Variants in INSR observed in about 807,000 individuals in gnomAD.
INSR encodes the protein insulin receptor, also known as IR.
INSR carries 67 observed loss-of-function variants against 142.6 expected under a neutral mutation model. The ratio of observed to expected loss-of-function variants is 0.47; its 90% CI spans 0.39 to 0.58. INSR has a LOEUF of 0.58. Ranked by LOEUF, INSR falls within the 20% of genes least tolerant of loss-of-function variation. The probability of loss-of-function intolerance (pLI) is 0.00; values close to 1 mark genes in which losing one functional copy is unlikely to be tolerated. For synonymous variants in INSR, 756 were observed against 743.1 expected (o/e 1.02, Z -0.28); for missense variants, 1,248 against 1,833.2 (o/e 0.68, Z 5.83).
intron 2 of INSR, among the ~76,000 whole-genome samples, chr19:7,265,362 T>A (rs1967690002): frequency 6.6e-6 from 1 of 152,086 alleles, no homozygotes; most frequent in African/African-American, 2.4e-5. Context: ...CCCAGTTAGC[T>A]ATTTGGGAGA....
intron 9 of INSR, among the ~76,000 whole-genome samples, chr19:7,153,959 G>A (rs544694381): frequency 8.5e-5 from 13 of 152,136 alleles, no homozygotes; most frequent in Non-Finnish European, 1.3e-4. Flanking sequence ...TCAGGAGTTC[G>A]AGACCAGCCT....
chr19:7,164,090 G>A (rs1249897482), intron 8 of INSR, among the ~76,000 whole-genome samples: 7 of 72,758 alleles, frequency 9.6e-5, no homozygotes, highest in East Asian at 6.8e-4. Context: ...GTGAAACTCC[G>A]TTAAAAAAAA....
Position 7,119,635 on chromosome 19 carries a change from CACACGCGCGCGCGCAA to C in INSR, c.3660-68_3660-53del, listed in dbSNP as rs1568425790. On this transcript the variant is annotated intron_variant, in intron 20 of 21. Coordinates refer to ENST00000302850, the MANE Select transcript of INSR (RefSeq NM_000208.4). The surrounding 1 kb of genome is among the most constrained non-coding windows in gnomAD (Gnocchi z 5.2). Reference sequence around the variant, plus strand: ...CAAAGAAGCCATTTAGACACACACACACACGCGCGCGCGCAAACACACACACGCAAACGCACACACA... The same window carrying C: ...CAAAGAAGCCATTTAGACACACACACACACACACACGCAAACGCACACACA... 9 of 1,605,926 alleles carry C rather than the reference CACACGCGCGCGCGCAA, an allele frequency of 5.6e-6. No homozygotes were observed. Among genetic ancestry groups the C allele is most frequent in the Admixed American group, 1.7e-5 (1 of 59,984 alleles).
chr19:7,223,345 G>A (rs1393868362), intron 2 of INSR, among the ~76,000 whole-genome samples: 1 of 152,218 alleles, frequency 6.6e-6, no homozygotes, highest in East Asian at 1.9e-4. Flanking sequence ...AAAGACACAA[G>A]GGAGCATTTT....
chr19:7,143,178 G>A, intron 11 of INSR, 88 bp from the exon 12 acceptor site: 1 of 1,471,646 alleles, frequency 6.8e-7, no homozygotes, highest in South Asian at 1.1e-5. Context: ...GCTTGATTAA[G>A]AAGAAAGATC....
In INSR at chr19:7,142,950, T is replaced by C. The variant is rs1448739003; in HGVS notation, c.2408A>G (p.Asn803Ser). The C allele has an allele frequency of 1.4e-5, 22 of 1,614,016 alleles. No homozygotes were observed. The highest frequency in any genetic ancestry group is 1.8e-5 in the Non-Finnish European group (21 of 1,180,036). The change falls in exon 12 of 22, where the codon AAC (asparagine) becomes AGC (serine). Residue 803 changes from asparagine (N) to serine (S), a missense_variant. Around this residue, in one of 3 missense-constraint regions of INSR, gnomAD observed 1,069 missense variants for 1,654.0 expected, o/e 0.65. Transcript: ENST00000302850. ...EEHRPFEKVV[N>S]KESLVISGLR... The stretch of plus-strand genomic sequence containing the variant: ...GCCGGAGATGACCAGCGACTCCTTG[T>C]TCACCACCTTCTCAAAAGGCCTGTG...
chr19:7,246,869 AG>A (rs1976551941), intron 2 of INSR, among the ~76,000 whole-genome samples: 1 of 140,662 alleles, frequency 7.1e-6, no homozygotes, highest in South Asian at 2.1e-4. Flanking sequence ...TGTATGTTTC[AG>A]GGTGGTTTGT....
At chr19:7,160,590 A>C (rs532751154) in intron 9 of INSR, among the ~76,000 whole-genome samples, 1 of 152,214 alleles carries the variant, frequency 6.6e-6, no homozygotes, top group South Asian at 2.1e-4. Flanking sequence ...GTGCCACTGC[A>C]CTCCAGCCTG....
intron 2 of INSR, among the ~76,000 whole-genome samples, chr19:7,263,978 T>C (rs1977143406): frequency 6.6e-6 from 1 of 152,112 alleles, no homozygotes; most frequent in Non-Finnish European, 1.5e-5. Flanking sequence ...GAGACCAGCC[T>C]GGCCAACATG....
rs1972434481 is a variant in INSR at position 7,119,731 on chromosome 19, CG to C, written c.3660-149del. The stretch of plus-strand genomic sequence containing the variant: ...GCAAACACACACATGCAAACACACA[CG>C]CACATACACGTGCACACACATGCAA... On this transcript the variant is annotated intron_variant, in intron 20 of 21. Coordinates refer to ENST00000302850, the MANE Select transcript of INSR (RefSeq NM_000208.4). This position sits in a 1 kb window ranked among gnomAD's most constrained non-coding sequence, Gnocchi z 5.2. 2.3e-6 allele frequency: 2 copies of C among 861,176 alleles called. No individual in the cohort carries two copies. Among genetic ancestry groups the C allele is most frequent in the East Asian group, 2.6e-5 (1 of 38,224 alleles). 53.3% of individuals were successfully genotyped at this position (861,176 alleles called of 1,614,324 possible).
At chr19:7,142,780 A>T in intron 12 of INSR, 36 bp downstream of exon 12, 1 of 1,612,320 alleles carries the variant, frequency 6.2e-7, no homozygotes, top group Non-Finnish European at 8.5e-7. Flanking sequence ...TTGATGTCCC[A>T]CCCATGACAC....
chr19:7,156,724 C>A (rs1277724617), intron 9 of INSR, among the ~76,000 whole-genome samples: 1 of 150,616 alleles, frequency 6.6e-6, no homozygotes, highest in African/African-American at 2.4e-5. Context: ...TGAAGAAGAA[C>A]ACCAGTAGCT....
intron 2 of INSR, among the ~76,000 whole-genome samples, chr19:7,250,415 A>AGGG (rs1976679239): frequency 1.4e-5 from 2 of 147,594 alleles, no homozygotes; most frequent in South Asian, 2.2e-4. Context: ...AAGAAATAAA[A>AGGG]AGAAAGCAAG....
At chr19:7,220,241 C>T (rs1235702408) in intron 2 of INSR, among the ~76,000 whole-genome samples, 1 of 152,184 alleles carries the variant, frequency 6.6e-6, no homozygotes, top group Admixed American at 6.6e-5. Flanking sequence ...GATGAGTAAT[C>T]TTGTGTTTGC....
chr19:7,187,551 A>G (rs1974463098), intron 2 of INSR, among the ~76,000 whole-genome samples: 1 of 152,184 alleles, frequency 6.6e-6, no homozygotes, highest in Non-Finnish European at 1.5e-5. Flanking sequence ...ATATTTTGTC[A>G]TATGGATAAA....
rs371121002 is a variant in INSR, at chr19:7,202,997, T to G, written c.653-18360A>C. Among the ~76,000 whole-genome samples the G allele has an allele frequency of 2.2e-3, 134 of 60,670 alleles. 1 individual carries two copies. Among genetic ancestry groups the G allele is most frequent in the African/African-American group, 0.017 (131 of 7,790 alleles). The allele number at this position is 60,670 out of a possible 152,430, so 39.8% of individuals were successfully genotyped here. A position where few individuals can be genotyped will look rare whatever the true frequency, so the allele number is the denominator to read the frequency against. ...ATTGGTTTGGGGTGGGGTTTTGTTG[T>G]TTTTTTTTTTTTTTTTTCAGATTTA... On this transcript the variant is annotated intron_variant, in intron 2 of 21. Coordinates refer to ENST00000302850, the MANE Select transcript of INSR (RefSeq NM_000208.4).
At chr19:7,131,985 CAAA>C (rs148055651) in intron 14 of INSR, among the ~76,000 whole-genome samples, 170 bp downstream of exon 14, 4 of 140,656 alleles carry the variant, frequency 2.8e-5, no homozygotes, top group African/African-American at 5.2e-5. Context: ...GCCTCCATCT[CAAA>C]AAAAAAAAAA....
At chr19:7,126,822 C>G (rs1972657649) in intron 15 of INSR, among the ~76,000 whole-genome samples, 171 bp from the exon 16 acceptor site, 1 of 151,944 alleles carries the variant, frequency 6.6e-6, no homozygotes, top group Admixed American at 6.6e-5. Context: ...GAATGGAAGC[C>G]CATCAGACAG....
At position 7,119,583 on chromosome 19, in the gene INSR, C is replaced by A; in HGVS notation, c.3660G>T (p.Trp1220Cys). The A allele has an allele frequency of 6.2e-7, 1 of 1,614,014 alleles. No homozygotes were observed. The highest frequency in any genetic ancestry group is 8.5e-7 in the Non-Finnish European group (1 of 1,180,022). The change falls in exon 21 of 22, where the codon TGG becomes TGT. Residue 1220 changes from tryptophan to cysteine, a missense_variant and splice_region_variant. Trp to Cys is a radical substitution (Grantham distance 215, BLOSUM62 -2). Coordinates refer to ENST00000302850, the MANE Select transcript of INSR (RefSeq NM_000208.4). The surrounding 1 kb of genome is among the most constrained non-coding windows in gnomAD (Gnocchi z 5.2). Reference protein sequence around the residue: ...DGVFTTSSDMWSFGVVLWEIT... With the variant: ...DGVFTTSSDMCSFGVVLWEIT... The stretch of plus-strand genomic sequence containing the variant: ...TTTCCCAAAGGACCACGCCAAAGGA[C>A]CTGCCGATGACAGTTGATAGTAGTA...
Sources: gnomAD v4.1 joint callset for allele counts (sites outside exome capture counted in the v4.1 genomes callset) on GRCh38, gnomAD v4.1.1 for gene constraint, gnomAD v4.1.1 regional missense constraint, Gnocchi (gnomAD v3.1) non-coding constraint, MANE v1.5 for transcripts, NCBI Gene and HGNC (gene_info 2026-07-23, HGNC 2026-07-21) for gene names.